Variants in SLCO1A2 observed in about 807,000 individuals in gnomAD.
SLCO1A2 encodes the protein OATP-1.
SLCO1A2 carries 67 observed loss-of-function variants against 69.0 expected under a neutral mutation model. The ratio of observed to expected loss-of-function variants is 0.97; its 90% confidence interval spans 0.80 to 1.19. SLCO1A2 has a LOEUF of 1.19. Ranked by LOEUF, SLCO1A2 falls within the 50% of genes most tolerant of loss-of-function variation. SLCO1A2 has a pLI of 0.00. For synonymous variants in SLCO1A2, 260 were observed against 265.9 expected (o/e 0.98, Z 0.22); for missense variants, 787 against 793.7 (o/e 0.99, Z 0.10).
rs1245554723 is a variant in SLCO1A2, at chr12:21,269,584, C to T, written c.1977G>A (p.Thr659=). The part of the protein sequence containing the change: ...NECKDIYQKS[T]VLKDDELKTK... ...TTTTCAATTCATCATCTTTCAAAAC[C>T]GTGGACTTTTGGTATATATCTTTGC... Residue 659 remains threonine (T), a synonymous_variant, in exon 15 of 15, where the codon ACG becomes ACA. Transcript: ENST00000683939. 5.6e-6 allele frequency: 9 copies of T among 1,611,428 alleles called. No homozygotes were observed. The highest frequency in any genetic ancestry group is 2.7e-5 in the African/African-American group (2 of 74,722).
chr12:21,333,347 C>T (rs896987418), intron 2 of SLCO1A2, among the ~76,000 whole-genome samples: 1 of 152,088 alleles, frequency 6.6e-6, no homozygotes, highest in East Asian at 1.9e-4. Context: ...GCTAAATAAT[C>T]TCTGTATTTA....
chr12:21,347,360 TG>T (rs2136999860), intron 2 of SLCO1A2, among the ~76,000 whole-genome samples: 1 of 152,200 alleles, frequency 6.6e-6, no homozygotes, highest in South Asian at 2.1e-4. Flanking sequence ...ATTAAGAATC[TG>T]GGGGCCAGGT....
At chr12:21,352,511 T>C (rs920785227) in intron 2 of SLCO1A2, among the ~76,000 whole-genome samples, 13 of 152,064 alleles carry the variant, frequency 8.5e-5, no homozygotes, top group Non-Finnish European at 1.5e-5. Flanking sequence ...ACTACAGCTA[T>C]GTGTGGTTGT....
In SLCO1A2 at chr12:21,269,747, G is replaced by A. The variant is rs760110243; in HGVS notation, c.1814C>T (p.Pro605Leu). ...TTFRYIYLGL[P>L]AALRGSSFVP... ...AAAGCTTGATCCTCTTAGTGCTGCC[G>A]GCAATCCGAGGTAGATGTATCTATT... The change falls in exon 15 of 15, where the codon CCG becomes CTG. Residue 605 changes from proline to leucine, a missense_variant. Pro to Leu is a moderately conservative substitution (Grantham distance 98). Transcript: ENST00000683939. 42 of 1,609,910 alleles carry A rather than the reference G, an allele frequency of 2.6e-5. No homozygotes were observed. Among genetic ancestry groups the A allele is most frequent in the Middle Eastern group, 3.3e-4 (2 of 6,060 alleles).
In SLCO1A2 at chr12:21,269,742, C is replaced by G. The variant is rs1942447358; in HGVS notation, c.1819G>C (p.Ala607Pro). 1 of 1,611,078 alleles carries G rather than the reference C, an allele frequency of 6.2e-7. No individual in the cohort carries two copies. Among genetic ancestry groups the G allele is most frequent in the Non-Finnish European group, 8.5e-7 (1 of 1,178,284 alleles). ...GGAACAAAGCTTGATCCTCTTAGTGCTGCCGGCAATCCGAGGTAGATGTAT... is the reference window on the plus strand; with the variant it reads ...GGAACAAAGCTTGATCCTCTTAGTGGTGCCGGCAATCCGAGGTAGATGTAT... ...FRYIYLGLPA[A>P]LRGSSFVPAL... Residue 607 changes from alanine to proline, a missense_variant, in exon 15 of 15, where the codon GCA becomes CCA. By Grantham distance (27) the Ala-to-Pro change is conservative. Coordinates refer to ENST00000683939, the MANE Select transcript of SLCO1A2 (RefSeq NM_001386879.1).
At chr12:21,306,731 T>C (rs1334255294) in intron 5 of SLCO1A2, 151 bp downstream of exon 5, 11 of 532,664 alleles carry the variant, frequency 2.1e-5, no homozygotes, top group Middle Eastern at 3.1e-4. Context: ...GCTATTCTTA[T>C]TGCCCATTGT....
At chr12:21,338,251 G>A (rs769161334), upstream of SLCO1A2, among the ~76,000 whole-genome samples, 48 of 151,910 alleles carry the variant, frequency 3.2e-4, no homozygotes, top group Non-Finnish European at 5.2e-4. Context: ...CTAGGCCTCA[G>A]TCTTGGTGTC....
intron 8 of SLCO1A2, among the ~76,000 whole-genome samples, chr12:21,298,112 A>G (rs572890919): frequency 6.6e-5 from 10 of 152,300 alleles, no homozygotes; most frequent in African/African-American, 1.7e-4. Context: ...CTTCTTCAGA[A>G]CAACAGTTTC....
intron 9 of SLCO1A2, among the ~76,000 whole-genome samples, chr12:21,296,331 C>T (rs1055098629): frequency 3.3e-5 from 5 of 152,188 alleles, no homozygotes; most frequent in African/African-American, 1.2e-4. Context: ...GCCTCAGCTT[C>T]CTGGGCTTAA....
chr12:21,378,125 A>G, intron 1 of SLCO1A2: 1 of 946,000 alleles, frequency 1.1e-6, no homozygotes, highest in Non-Finnish European at 1.6e-6. Flanking sequence ...TGAGTTACTT[A>G]TGTGAAAATT....
At chr12:21,284,553 A>AT (rs952187768) in intron 12 of SLCO1A2, among the ~76,000 whole-genome samples, 18 of 150,142 alleles carry the variant, frequency 1.2e-4, no homozygotes, top group African/African-American at 4.5e-4. Flanking sequence ...CAGAATATAC[A>AT]TTTTTTTCAG....
chr12:21,396,326 A>G (rs1254413445), upstream of SLCO1A2, among the ~76,000 whole-genome samples: 4 of 150,678 alleles, frequency 2.7e-5, no homozygotes, highest in South Asian at 2.1e-4. Flanking sequence ...TAGAGAAAAA[A>G]GAATAAAAAG....
At chr12:21,343,539 G>T (rs1953144970) in intron 2 of SLCO1A2, among the ~76,000 whole-genome samples, 1 of 152,032 alleles carries the variant, frequency 6.6e-6, no homozygotes, top group South Asian at 2.1e-4. Context: ...GTTCTTAGTA[G>T]GTAGTTGTCT....
Position 21,314,824 on chromosome 12 carries a change from A to G in SLCO1A2, c.203-143T>C. On this transcript the variant is annotated intron_variant, in intron 3 of 14. Coordinates refer to ENST00000683939, the MANE Select transcript of SLCO1A2 (RefSeq NM_001386879.1). ...ATTTGTGCTAGGGTTGCATTAAATAATAAATGAATATAACACAATCCCTGC... is the reference window on the plus strand; with the variant it reads ...ATTTGTGCTAGGGTTGCATTAAATAGTAAATGAATATAACACAATCCCTGC... The G allele has an allele frequency of 4.5e-6, 3 of 673,540 alleles. No individual in the cohort carries two copies. The South Asian group carries it at 6.0e-5, about 13-fold the overall frequency. 41.7% of individuals were successfully genotyped at this position (673,540 alleles called of 1,614,324 possible). A position where few individuals can be genotyped will look rare whatever the true frequency, so the allele number is the denominator to read the frequency against.
intron 3 of SLCO1A2, among the ~76,000 whole-genome samples, chr12:21,317,363 A>G (rs4148991): frequency 0.38 from 57,256 of 151,902 alleles, 11,599 homozygotes; most frequent in African/African-American, 0.53. Context: ...AGGCTATTGC[A>G]CTGCATCCTT....
At chr12:21,336,493 G>T (rs868367759), upstream of SLCO1A2, among the ~76,000 whole-genome samples, 9 of 152,018 alleles carry the variant, frequency 5.9e-5, no homozygotes, top group African/African-American at 2.2e-4. Context: ...CTTAACTGAA[G>T]TAAGAGGTAA....
intron 2 of SLCO1A2, among the ~76,000 whole-genome samples, chr12:21,358,131 T>C (rs1172825857): frequency 1.3e-5 from 2 of 152,156 alleles, no homozygotes; most frequent in African/African-American, 4.8e-5. Flanking sequence ...CTTAATAAAC[T>C]TAAAAATGTC....
chr12:21,373,406 C>A, intron 2 of SLCO1A2: 2 of 1,612,954 alleles, frequency 1.2e-6, no homozygotes, highest in Non-Finnish European at 8.5e-7. Context: ...TGCATTGAAC[C>A]ATCTGAAAGC....
At chr12:21,368,634 T>A (rs1052078681) in intron 2 of SLCO1A2, among the ~76,000 whole-genome samples, 3 of 152,124 alleles carry the variant, frequency 2.0e-5, no homozygotes, top group African/African-American at 7.2e-5. Context: ...TAAAATTATG[T>A]GATCTCTAGG....
Sources: gnomAD v4.1 joint callset for allele counts (sites outside exome capture counted in the v4.1 genomes callset) on GRCh38, gnomAD v4.1.1 for gene constraint, MANE v1.5 for transcripts, NCBI Gene and HGNC (gene_info 2026-07-23, HGNC 2026-07-21) for gene names.